ZNF845: variants seen among roughly 807,000 people sequenced by gnomAD.
ZNF845 encodes the protein zinc finger protein 845.
ZNF845 carries 59 observed loss-of-function variants against 76.1 expected under a neutral mutation model. The ratio of observed to expected loss-of-function variants is 0.78; its 90% CI spans 0.63 to 0.96. The LOEUF is 0.96. Among genes scored for constraint, ZNF845 ranks in the 40% least tolerant of loss-of-function variants. The pLI is 0.00. For synonymous variants in ZNF845, 361 were observed against 386.9 expected (o/e 0.93, Z 0.78); for missense variants, 1,045 against 1,172.8 (o/e 0.89, Z 1.59).
At chr19:53,342,542 C>G (rs1038886746) in intron 2 of ZNF845, among the ~76,000 whole-genome samples, 11 of 152,194 alleles carry the variant, frequency 7.2e-5, no homozygotes, top group African/African-American at 2.4e-4. Context: ...TTTTCCCTGT[C>G]ACGTCCTCCA....
In ZNF845 at chr19:53,356,707, A is replaced by G. The variant is rs1162999636; in HGVS notation, c.*3119A>G. ...CACTTTGGGAGGCTAAGGTGGGCGG[A>G]TCACGAGGTCAGGAGATCGAGACCA... On this transcript the variant is annotated 3_prime_UTR_variant, in exon 4 of 4. Coordinates refer to ENST00000458035, the MANE Select transcript of ZNF845 (RefSeq NM_138374.3). 2 of 152,174 alleles carry G rather than the reference A, an allele frequency of 1.3e-5. No individual in the cohort carries two copies. Among genetic ancestry groups the G allele is most frequent in the Admixed American group, 1.3e-4 (2 of 15,274 alleles). The allele number at this position is 152,174 out of a possible 1,614,324, so 9.4% of individuals were successfully genotyped here.
At chr19:53,345,378 T>C in intron 2 of ZNF845, 128 bp from the exon 3 acceptor site, 1 of 1,554,422 alleles carries the variant, frequency 6.4e-7, no homozygotes, top group Non-Finnish European at 8.7e-7. Context: ...TGGTGAAGAA[T>C]CCCTTACTCG....
At position 53,352,567 on chromosome 19, in the gene ZNF845, G is replaced by A; in HGVS notation, c.1892G>A (p.Gly631Glu). Residue 631 changes from glycine (G) to glutamate (E), a missense_variant, in exon 4 of 4, where the codon GGA becomes GAA. By Grantham distance (98) the Gly-to-Glu change is moderately conservative. Transcript: ENST00000458035. ...YLAVHWRTHS[G>E]EKPYKCEECD... is the part of the protein sequence containing the mutation. ...GCAGTTCATTGGCGAACTCATAGTG[G>A]AGAGAAACCTTACAAATGTGAAGAA... 1 of 1,609,908 alleles carries A rather than the reference G, an allele frequency of 6.2e-7. No homozygotes were observed. Among genetic ancestry groups the A allele is most frequent in the Non-Finnish European group, 8.5e-7 (1 of 1,177,992 alleles).
At chr19:53,343,791 A>T (rs1171673367) in intron 2 of ZNF845, among the ~76,000 whole-genome samples, 6 of 151,962 alleles carry the variant, frequency 3.9e-5, no homozygotes, top group African/African-American at 1.5e-4. Context: ...TATAAAATGG[A>T]TTTTCATACT....
intron 1 of ZNF845, among the ~76,000 whole-genome samples, chr19:53,340,581 C>A (rs749993500): frequency 4.6e-5 from 7 of 152,126 alleles, no homozygotes; most frequent in Non-Finnish European, 1.0e-4. Flanking sequence ...TAGGATATCA[C>A]TAAAATCTCA....
At chr19:53,341,732 G>A (rs903065149) in intron 2 of ZNF845, among the ~76,000 whole-genome samples, 2 of 152,168 alleles carry the variant, frequency 1.3e-5, no homozygotes, top group African/African-American at 4.8e-5. Flanking sequence ...TAGAAAAGGT[G>A]ACCAATAAGG....
chr19:53,341,410 G>A (rs2085256190), intron 2 of ZNF845, 88 bp downstream of exon 2: 1 of 1,578,624 alleles, frequency 6.3e-7, no homozygotes, highest in Admixed American at 1.7e-5. Flanking sequence ...TGAGTCTGAA[G>A]CATCCTGCCT....
In ZNF845 at chr19:53,353,505, A is replaced by G. The variant is rs753029861; in HGVS notation, c.2830A>G (p.Lys944Glu). Residue 944 changes from lysine to glutamate, a missense_variant, in exon 4 of 4, where the codon AAG (lysine) becomes GAG (glutamate). By Grantham distance (56) the Lys-to-Glu change is moderately conservative. Coordinates refer to ENST00000458035, the MANE Select transcript of ZNF845 (RefSeq NM_138374.3). The stretch of plus-strand genomic sequence containing the variant: ...AATTCATACTGGAGAGAAACCTTAC[A>G]AGTGTAATGAATGTGGCAAGGTTTT... ...KTIHTGEKPY[K>E]CNECGKVFNR... 1.5e-5 allele frequency: 25 copies of G among 1,613,528 alleles called. No homozygotes were observed. The highest frequency in any genetic ancestry group is 2.1e-5 in the Non-Finnish European group (25 of 1,179,760).
At chr19:53,350,169 T>TACTTC (rs2085323375) in intron 3 of ZNF845, among the ~76,000 whole-genome samples, 1 of 151,594 alleles carries the variant, frequency 6.6e-6, no homozygotes, top group Admixed American at 6.6e-5. Context: ...GATGGACTCT[T>TACTTC]GTCACCCAGG....
chr19:53,349,242 T>G (rs2085317484), intron 3 of ZNF845, among the ~76,000 whole-genome samples: 1 of 152,058 alleles, frequency 6.6e-6, no homozygotes. Context: ...GTATTTCAGT[T>G]CTTATATTGT....
intron 1 of ZNF845, among the ~76,000 whole-genome samples, chr19:53,339,036 G>A (rs2085237674): frequency 6.6e-6 from 1 of 152,148 alleles, no homozygotes; most frequent in Non-Finnish European, 1.5e-5. Context: ...GGAGGCAGAG[G>A]TTGCAGTGAG....
At chr19:53,349,468 C>T (rs907606485) in intron 3 of ZNF845, among the ~76,000 whole-genome samples, 2 of 151,058 alleles carry the variant, frequency 1.3e-5, no homozygotes, top group African/African-American at 4.9e-5. Context: ...TGGGGTTTCA[C>T]CTTGTTAGCT....
chr19:53,353,504 C>T lies in ZNF845; in HGVS notation c.2829C>T (p.Tyr943=). 3.7e-6 allele frequency: 6 copies of T among 1,613,596 alleles called. No homozygotes were observed. The highest frequency in any genetic ancestry group is 3.3e-5 in the South Asian group (3 of 90,992). Residue 943 remains tyrosine (Y), a synonymous_variant, in exon 4 of 4, where the codon TAC becomes TAT. Coordinates refer to ENST00000458035, the MANE Select transcript of ZNF845 (RefSeq NM_138374.3). ...HKTIHTGEKP[Y]KCNECGKVFN... ...CAATTCATACTGGAGAGAAACCTTA[C>T]AAGTGTAATGAATGTGGCAAGGTTT...
rs1235399909 is a variant in ZNF845, at chr19:53,353,985, A to G, written c.*397A>G. 3.9e-6 allele frequency: 2 copies of G among 511,278 alleles called. No homozygotes were observed. The highest frequency in any genetic ancestry group is 6.6e-5 in the Admixed American group (2 of 30,234). 31.7% of individuals were successfully genotyped at this position (511,278 alleles called of 1,614,324 possible). A position where few individuals can be genotyped will look rare whatever the true frequency, so the allele number is the denominator to read the frequency against. On this transcript the variant is annotated 3_prime_UTR_variant, in exon 4 of 4. Transcript: ENST00000458035. The stretch of plus-strand genomic sequence containing the variant: ...TACCTTGCAGTTCATCGGTGAACTC[A>G]TGCTGGAGAGAAACCTTACAAATGT...
chr19:53,352,795 T>C lies in ZNF845; in HGVS notation c.2120T>C (p.Ile707Thr), dbSNP rs551941244. ...GKTFGRNSALIIHKAIHTGEK... is the reference protein window; with the variant it reads ...GKTFGRNSALTIHKAIHTGEK... ...ACCTTCGGTCGAAATTCAGCCCTTATAATTCACAAGGCAATTCATACTGGA... is the reference window on the plus strand; with the variant it reads ...ACCTTCGGTCGAAATTCAGCCCTTACAATTCACAAGGCAATTCATACTGGA... The change falls in exon 4 of 4, where the codon ATA becomes ACA. Residue 707 changes from isoleucine to threonine, a missense_variant. Physicochemically the swap from Ile to Thr is moderately conservative, Grantham distance 89. Transcript: ENST00000458035. 6.2e-7 allele frequency: 1 copy of C among 1,612,534 alleles called. No individual in the cohort carries two copies. Among genetic ancestry groups the C allele is most frequent in the Admixed American group, 1.7e-5 (1 of 59,908 alleles).
At chr19:53,341,343 G>A in intron 2 of ZNF845, 21 bp downstream of exon 2, 5 of 1,613,876 alleles carry the variant, frequency 3.1e-6, no homozygotes, top group South Asian at 1.1e-5. Flanking sequence ...ATGTTGGGTG[G>A]ATTGTTCTGT....
At chr19:53,345,858 T>TG (rs1242501041) in intron 3 of ZNF845, among the ~76,000 whole-genome samples, 3 of 151,532 alleles carry the variant, frequency 2.0e-5, no homozygotes, top group African/African-American at 7.3e-5. Flanking sequence ...TTTTTTAGTT[T>TG]TTTTTTTTTT....
rs749507802 is a variant in ZNF845, at chr19:53,333,786, C to T, written c.-80C>T. On this transcript the variant is annotated 5_prime_UTR_variant, in exon 1 of 4. Coordinates refer to ENST00000458035, the MANE Select transcript of ZNF845 (RefSeq NM_138374.3). ...GGATCGCATGGAGTGATGGTCCCAC[C>T]GCAGCGGTGAGTTTTGCTCTGTGTT... 6.9e-5 allele frequency: 11 copies of T among 159,772 alleles called. No individual in the cohort carries two copies. Among genetic ancestry groups the T allele is most frequent in the African/African-American group, 1.2e-4 (5 of 41,572 alleles). 9.9% of individuals were successfully genotyped at this position (159,772 alleles called of 1,614,324 possible). A position where few individuals can be genotyped will look rare whatever the true frequency, so the allele number is the denominator to read the frequency against.
In ZNF845 at chr19:53,350,822, C is replaced by G; in HGVS notation, c.147C>G (p.Ile49Met). The G allele has an allele frequency of 6.2e-7, 1 of 1,612,974 alleles. No individual in the cohort carries two copies. Among genetic ancestry groups the G allele is most frequent in the Non-Finnish European group, 8.5e-7 (1 of 1,179,594 alleles). ...ENYRNLVSLD[I>M]SSKCMMKEFS... ...ATTGGTGTTTATATTTTCTAGATAT[C>G]TCTTCCAAATGCATGATGAAGGAGT... Residue 49 changes from isoleucine to methionine, a missense_variant, in exon 4 of 4, where the codon ATC (isoleucine) becomes ATG (methionine). Physicochemically the swap from Ile to Met is conservative, Grantham distance 10 (BLOSUM62 1). Transcript: ENST00000458035.
Sources: allele counts gnomAD v4.1 joint callset (sites outside exome capture counted in the v4.1 genomes callset), GRCh38; gene constraint gnomAD v4.1.1; transcripts MANE v1.5; gene names NCBI Gene and HGNC (gene_info 2026-07-23, HGNC 2026-07-21).